The following HERC1 variants were observed in gnomAD, a reference collection of about 807,000 sequenced individuals.
The protein encoded by HERC1 is probable E3 ubiquitin-protein ligase HERC1.
HERC1 carries 160 observed loss-of-function variants against 554.3 expected under a neutral mutation model. The observed-to-expected ratio is 0.29, with a 90% CI of 0.25 to 0.33. The LOEUF (loss-of-function observed/expected upper bound fraction) is 0.33, where lower values mean the gene tolerates loss of function less well. Ranked by LOEUF, HERC1 falls within the 10% of genes least tolerant of loss-of-function variation. HERC1 has a pLI of 1.00. For synonymous variants in HERC1, 2,175 were observed against 2,131.7 expected, an observed-to-expected ratio of 1.02 and a Z score of -0.56; for missense variants, 4,919 against 5,918.5, an observed-to-expected ratio of 0.83 and a Z score of 5.54.
chr15:63,626,120 G>C lies in HERC1; in HGVS notation c.13140C>G (p.Asp4380Glu). Residue 4380 changes from aspartate to glutamate, a missense_variant, in exon 71 of 78, where the codon GAC becomes GAG. This residue lies in a region of HERC1 where 410 missense variants were observed against 467.0 expected (regional missense o/e 0.88). Coordinates refer to ENST00000443617, the MANE Select transcript of HERC1 (RefSeq NM_003922.4). ...VSVPLQLGLPDTVPPQYGALR... is the reference protein window; with the variant it reads ...VSVPLQLGLPETVPPQYGALR... ...GCGCCCCATACTGGGGGGGCACTGTGTCAGGCAGGCCCAGCTGCAGAGGTA... is the reference window on the plus strand; with the variant it reads ...GCGCCCCATACTGGGGGGGCACTGTCTCAGGCAGGCCCAGCTGCAGAGGTA... The C allele has an allele frequency of 1.9e-6, 3 of 1,613,730 alleles. No individual in the cohort carries two copies. Among genetic ancestry groups the C allele is most frequent in the Non-Finnish European group, 2.5e-6 (3 of 1,179,802 alleles).
At position 63,698,934 on chromosome 15, in the gene HERC1, C is replaced by T; in HGVS notation, c.4699G>A (p.Asp1567Asn). The stretch of plus-strand genomic sequence containing the variant: ...GAATAGGAGGAGTTGCATAACCAGT[C>T]TCTGCTATGTTTCAGGCGAGCCCAA... The part of the protein sequence containing the change: ...DSWARLKHSR[D>N]WLCNSSYSFE... Residue 1567 changes from aspartate (D) to asparagine (N), a missense_variant, in exon 26 of 78, where the codon GAC becomes AAC. Physicochemically the swap from Asp to Asn is conservative, Grantham distance 23. Transcript: ENST00000443617. The T allele has an allele frequency of 6.2e-7, 1 of 1,613,872 alleles. No individual in the cohort carries two copies. The highest frequency in any genetic ancestry group is 8.5e-7 in the Non-Finnish European group (1 of 1,179,764).
At chr15:63,743,427 A>G (rs2074909886) in intron 12 of HERC1, among the ~76,000 whole-genome samples, 1 of 151,606 alleles carries the variant, frequency 6.6e-6, no homozygotes, top group Non-Finnish European at 1.5e-5. Flanking sequence ...ACATCCAGCT[A>G]ATTTTTTTTG....
intron 71 of HERC1, 142 bp from the exon 72 acceptor site, chr15:63,624,469 G>C: frequency 1.5e-6 from 1 of 684,220 alleles, no homozygotes; most frequent in Non-Finnish European, 2.4e-6. Flanking sequence ...GGCTGTGGTG[G>C]GCGGATCGCT....
At position 63,826,804 on chromosome 15, in the gene HERC1, AAAAAAAAAAAAT is replaced by A. The variant is rs1301622156; in HGVS notation, c.-27+7011_-27+7022del. On this transcript the variant is annotated intron_variant, in intron 1 of 77. Transcript: ENST00000443617. The stretch of plus-strand genomic sequence containing the variant: ...TCTGGTAAAAAAAAAAAAAAAAAAA[AAAAAAAAAAAAT>A]ATATATATATATATATATATATATA... Among the ~76,000 whole-genome samples, 11 of 57,882 alleles carry A rather than the reference AAAAAAAAAAAAT, an allele frequency of 1.9e-4. 1 individual carries two copies. Among genetic ancestry groups the A allele is most frequent in the Admixed American group, 8.1e-4 (4 of 4,968 alleles). 38.0% of individuals were successfully genotyped at this position (57,882 alleles called of 152,430 possible).
Position 63,678,044 on chromosome 15 carries a change from G to A in HERC1, c.6871C>T (p.Leu2291Phe), listed in dbSNP as rs1462733770. The change falls in exon 37 of 78, where the codon CTC (leucine) becomes TTC (phenylalanine). Residue 2291 changes from leucine to phenylalanine, a missense_variant. Leu to Phe is a conservative substitution (Grantham distance 22). Around this residue, in one of 11 missense-constraint regions of HERC1, gnomAD observed 1,963 missense variants for 2,228.6 expected, o/e 0.88. Coordinates refer to ENST00000443617, the MANE Select transcript of HERC1 (RefSeq NM_003922.4). ...AGAGTCCTCAGCTGCAGCTCTGAGA[G>A]GTCAGCGAGGCCATGCCTAGTATGT... ...GKHTRHGLADLSELQLRTLCI... is the reference protein window; with the variant it reads ...GKHTRHGLADFSELQLRTLCI... 3 of 1,613,876 alleles carry A rather than the reference G, an allele frequency of 1.9e-6. No homozygotes were observed. In the African/African-American group the frequency reaches 4.0e-5, roughly 22 times the overall value.
chr15:63,668,282 A>G (rs977218293), intron 40 of HERC1, among the ~76,000 whole-genome samples: 4 of 152,200 alleles, frequency 2.6e-5, no homozygotes, highest in Admixed American at 6.5e-5. Context: ...CCTTGAGGTC[A>G]GGAGTTTGAG....
chr15:63,618,461 G>T (rs1266131907), intron 74 of HERC1, among the ~76,000 whole-genome samples: 4 of 151,790 alleles, frequency 2.6e-5, no homozygotes, highest in African/African-American at 9.7e-5. Context: ...TGTTCTTTTG[G>T]CTTAGGATTG....
intron 23 of HERC1, 88 bp from the exon 24 acceptor site, chr15:63,712,983 A>G (rs1472645931): frequency 8.1e-7 from 1 of 1,231,392 alleles, no homozygotes; most frequent in African/African-American, 1.5e-5. Flanking sequence ...CAGAGATAAT[A>G]TACACACACA....
intron 12 of HERC1, among the ~76,000 whole-genome samples, chr15:63,741,834 G>A (rs1035011083): frequency 6.6e-6 from 1 of 152,130 alleles, no homozygotes; most frequent in Non-Finnish European, 1.5e-5. Flanking sequence ...CTATTCCATT[G>A]ATCTATATAT....
chr15:63,747,451 C>T (rs571782603), intron 11 of HERC1, among the ~76,000 whole-genome samples: 6 of 151,248 alleles, frequency 4.0e-5, no homozygotes, highest in Non-Finnish European at 7.4e-5. Context: ...CAGAGCAAGA[C>T]ACCATCTTAA....
chr15:63,694,266 A>C lies in HERC1; in HGVS notation c.5480+46T>G. Reference sequence around the variant, plus strand: ...GAAAGGGGGAATTCTAAAATGGAGGAAGACCAGACTTCATACAGTTCTACA... The same window carrying C: ...GAAAGGGGGAATTCTAAAATGGAGGCAGACCAGACTTCATACAGTTCTACA... On this transcript the variant is annotated intron_variant, in intron 29 of 77. Coordinates refer to ENST00000443617, the MANE Select transcript of HERC1 (RefSeq NM_003922.4). The surrounding 1 kb of genome is among the most constrained non-coding windows in gnomAD (Gnocchi z 4.3). 6.3e-7 allele frequency: 1 copy of C among 1,577,966 alleles called. No individual in the cohort carries two copies. Among genetic ancestry groups the C allele is most frequent in the Non-Finnish European group, 8.6e-7 (1 of 1,160,096 alleles).
chr15:63,788,247 A>T (rs2076519745), intron 1 of HERC1, among the ~76,000 whole-genome samples: 1 of 152,206 alleles, frequency 6.6e-6, no homozygotes, highest in Non-Finnish European at 1.5e-5. Flanking sequence ...TGCACCTAAC[A>T]CAGCATCTGA....
intron 34 of HERC1, among the ~76,000 whole-genome samples, chr15:63,681,066 T>A (rs1156455243): frequency 6.6e-6 from 1 of 152,208 alleles, no homozygotes; most frequent in Non-Finnish European, 1.5e-5. Context: ...GTATGTTTAG[T>A]CCAGAAATTA....
chr15:63,647,987 G>T (rs2152872285), intron 55 of HERC1, 82 bp downstream of exon 55: 1 of 1,096,260 alleles, frequency 9.1e-7, no homozygotes, highest in Non-Finnish European at 1.3e-6. Context: ...TAAAATCTCT[G>T]ACTTCTCCAC....
At chr15:63,676,474 C>T (rs537581216) in intron 37 of HERC1, among the ~76,000 whole-genome samples, 2 of 152,050 alleles carry the variant, frequency 1.3e-5, no homozygotes, top group African/African-American at 4.8e-5. Flanking sequence ...GATATTGTTC[C>T]GGCCGAGCGT....
rs1372470968 is a variant in HERC1, at chr15:63,609,049, G to C, written c.*32C>G. 6.3e-7 allele frequency: 1 copy of C among 1,588,658 alleles called. No homozygotes were observed. The highest frequency in any genetic ancestry group is 8.6e-7 in the Non-Finnish European group (1 of 1,162,094). On this transcript the variant is annotated 3_prime_UTR_variant, in exon 78 of 78. Transcript: ENST00000443617. ...CAAATCAGAAGTGAGCATTATTGAG[G>C]GAGAGAAGGGAGGGTGAGAGCACCC...
At chr15:63,762,368 G>C (rs577404045) in intron 3 of HERC1, among the ~76,000 whole-genome samples, 1 of 152,238 alleles carries the variant, frequency 6.6e-6, no homozygotes, top group East Asian at 1.9e-4. Flanking sequence ...TTATTGCTCA[G>C]GCTGGAGCAC....
intron 1 of HERC1, among the ~76,000 whole-genome samples, chr15:63,816,684 T>C (rs1049151076): frequency 8.5e-5 from 13 of 152,212 alleles, no homozygotes; most frequent in African/African-American, 3.1e-4. Flanking sequence ...CTTGCACTCT[T>C]CCTTTAAAGG....
At position 63,694,509 on chromosome 15, in the gene HERC1, T is replaced by C; in HGVS notation, c.5283A>G (p.Leu1761=). The C allele has an allele frequency of 6.2e-7, 1 of 1,613,996 alleles. No homozygotes were observed. Among genetic ancestry groups the C allele is most frequent in the Non-Finnish European group, 8.5e-7 (1 of 1,179,890 alleles). The change falls in exon 29 of 78, where the codon CTA becomes CTG. Residue 1761 remains leucine (L), a synonymous_variant. Coordinates refer to ENST00000443617, the MANE Select transcript of HERC1 (RefSeq NM_003922.4). This position sits in a 1 kb window ranked among gnomAD's most constrained non-coding sequence, Gnocchi z 4.3. ...CATCTACTGGTTGATAATGAACACT[T>C]AGGGCAAAAACTGTAACCAGAAGCA... ...QRLLLVTVFA[L]SVHYQPVDVS...
Sources: allele counts gnomAD v4.1 joint callset (sites outside exome capture counted in the v4.1 genomes callset), GRCh38; gene constraint gnomAD v4.1.1; regional missense constraint gnomAD v4.1.1; non-coding constraint Gnocchi (gnomAD v3.1); transcripts MANE v1.5; gene names NCBI Gene and HGNC (gene_info 2026-07-23, HGNC 2026-07-21).